MYH1: variants seen among roughly 807,000 people sequenced by gnomAD.
The protein encoded by MYH1 is myosin heavy chain 1, also known as myosin-1.
In MYH1, 214 loss-of-function variants were observed where a neutral mutation model predicts 225.6. The observed-to-expected ratio is 0.95, with a 90% CI of 0.85 to 1.06. The LOEUF (loss-of-function observed/expected upper bound fraction) is 1.06, where lower values mean the gene tolerates loss of function less well. Among genes scored for constraint, MYH1 ranks in the 50% least tolerant of loss-of-function variants. The pLI is 0.00. For missense variants in MYH1, 2,098 were observed against 2,344.2 expected, an observed-to-expected ratio of 0.89 and a Z score of 2.17; for synonymous variants, 774 against 842.3, an observed-to-expected ratio of 0.92 and a Z score of 1.40.
intron 39 of MYH1, 146 bp from the exon 40 acceptor site, chr17:10,492,714 AT>A (rs71139047): frequency 4.2e-4 from 357 of 854,364 alleles, no homozygotes; most frequent in Non-Finnish European, 5.1e-4. Context: ...TTGAATTTTT[AT>A]TTTTTTTTAT....
chr17:10,513,020 G>A (rs1597443179), intron 9 of MYH1, 55 bp from the exon 10 acceptor site: 3 of 1,214,494 alleles, frequency 2.5e-6, no homozygotes, highest in Non-Finnish European at 3.6e-6. Flanking sequence ...ATGTCCTGGA[G>A]TGATTTGAGG....
chr17:10,497,106 T>C lies in MYH1; in HGVS notation c.4619A>G (p.Glu1540Gly), dbSNP rs2073003884. Residue 1540 changes from glutamate to glycine, a missense_variant, in exon 33 of 40, where the codon GAA becomes GGA. Coordinates refer to ENST00000226207, the MANE Select transcript of MYH1 (RefSeq NM_005963.4). ...LEKIKKQVEQ[E>G]KSELQAALEE... ...TAAGGCAGCCTGAAGTTCAGACTTT[T>C]CTTGCTCAACTTGCTTCTTTATTTT... The C allele has an allele frequency of 6.2e-7, 1 of 1,614,124 alleles. No individual in the cohort carries two copies.
chr17:10,514,133 G>T lies in MYH1; in HGVS notation c.534-9C>A, dbSNP rs769315050. The T allele has an allele frequency of 1.9e-6, 3 of 1,613,860 alleles. No homozygotes were observed. The highest frequency in any genetic ancestry group is 2.5e-6 in the Non-Finnish European group (3 of 1,179,780). On this transcript the variant is annotated splice_polypyrimidine_tract_variant and intron_variant, in intron 6 of 39. Transcript: ENST00000226207. ...CTGCGCCAGATTCTCCGCTGTCAAA[G>T]ACCAAACGTATGAGAAATTAAGCAC...
At position 10,498,672 on chromosome 17, in the gene MYH1, A is replaced by C; in HGVS notation, c.4135T>G (p.Tyr1379Asp). 4 of 1,613,884 alleles carry C rather than the reference A, an allele frequency of 2.5e-6. No individual in the cohort carries two copies. The highest frequency in any genetic ancestry group is 3.4e-6 in the Non-Finnish European group (4 of 1,179,860). The change falls in exon 30 of 40, where the codon TAT becomes GAT. Residue 1379 changes from tyrosine (Y) to aspartate (D), a missense_variant. By Grantham distance (160) the Tyr-to-Asp change is radical (BLOSUM62 -3). Transcript: ENST00000226207. ...GTGCGCTGGATGGCATCTGTCTCAT[A>C]TTTGGTCCTCCACTGGGCAACCTCA... ...NSEVAQWRTK[Y>D]ETDAIQRTEE...
chr17:10,493,509 G>A (rs934262597), intron 39 of MYH1, among the ~76,000 whole-genome samples: 2 of 152,128 alleles, frequency 1.3e-5, no homozygotes, highest in Non-Finnish European at 2.9e-5. Flanking sequence ...CATGGGATAC[G>A]GAAATGAGAT....
At position 10,512,704 on chromosome 17, in the gene MYH1, G is replaced by T. The variant is rs138473189; in HGVS notation, c.985C>A (p.Gln329Lys). The change falls in exon 11 of 40, where the codon CAA becomes AAA. Residue 329 changes from glutamine to lysine, a missense_variant. Physicochemically the swap from Gln to Lys is moderately conservative, Grantham distance 53. Coordinates refer to ENST00000226207, the MANE Select transcript of MYH1 (RefSeq NM_005963.4). ...GEITVPSIDD[Q>K]EELMATDSAI... ...ACATCTGTAGCCATCAACTCTTCTT[G>T]GTCATCAATGCTGGGCACTGTGATC... is the stretch of plus-strand genomic sequence containing the variant. The T allele has an allele frequency of 6.2e-7, 1 of 1,613,730 alleles. No individual in the cohort carries two copies.
chr17:10,512,284 G>T (rs1597442580), intron 12 of MYH1, 92 bp from the exon 13 acceptor site: 1 of 1,588,484 alleles, frequency 6.3e-7, no homozygotes, highest in Non-Finnish European at 8.6e-7. Context: ...TTTGTAGAAA[G>T]TCTGTGTGTG....
rs1597444362 is a variant in MYH1, at chr17:10,515,925, C to T, written c.505+1G>A. 2.5e-6 allele frequency: 4 copies of T among 1,614,098 alleles called. No individual in the cohort carries two copies. Among genetic ancestry groups the T allele is most frequent in the Non-Finnish European group, 3.4e-6 (4 of 1,180,028 alleles). ...ATATGAAAACCAGCTGAGCCACTCA[C>T]CAGTCAGCATGAACTGATAGGCATT... On this transcript the variant is annotated splice_donor_variant, in intron 5 of 39. Transcript: ENST00000226207. LOFTEE classifies it high-confidence loss of function.
intron 17 of MYH1, among the ~76,000 whole-genome samples, chr17:10,507,590 A>G (rs1269571448): frequency 6.6e-6 from 1 of 152,232 alleles, no homozygotes; most frequent in Non-Finnish European, 1.5e-5. Flanking sequence ...TTAAGGGTTA[A>G]ATGACCTCAT....
At chr17:10,516,371 C>G (rs763402316) in intron 3 of MYH1, 29 bp from the exon 4 acceptor site, 11 of 1,613,952 alleles carry the variant, frequency 6.8e-6, no homozygotes, top group Non-Finnish European at 9.3e-6. Flanking sequence ...GAGGCCAGAT[C>G]AAAAAGTAAG....
rs56135494 is a variant in MYH1, at chr17:10,516,101, G to C, written c.349-19C>G. ...AGTAGGTCTGCACCCAAAACAAAAG[G>C]GAGGAACAGAATTATTTGATGGGGA... On this transcript the variant is annotated intron_variant, in intron 4 of 39. Transcript: ENST00000226207. The C allele has an allele frequency of 6.3e-4, 1,024 of 1,613,666 alleles. 4 individuals are homozygous for C. In the African/African-American group the frequency reaches 0.012, roughly 18 times the overall value.
rs1597435310 is a variant in MYH1 at position 10,497,508 on chromosome 17, A to G, written c.4366-56T>C. The G allele has an allele frequency of 3.2e-6, 5 of 1,565,592 alleles. No homozygotes were observed. The East Asian group carries it at 6.7e-5, about 21-fold the overall frequency. On this transcript the variant is annotated intron_variant, in intron 31 of 39. Transcript: ENST00000226207. ...GTGGACAAAATTTGATGAGATAAAA[A>G]CCATCTATTCTAGCACCTCTCAGAG... is the stretch of plus-strand genomic sequence containing the variant.
In MYH1 at chr17:10,512,760, G is replaced by C. The variant is rs866021004; in HGVS notation, c.929C>G (p.Pro310Arg). The C allele has an allele frequency of 3.1e-6, 5 of 1,614,124 alleles. No individual in the cohort carries two copies. Among genetic ancestry groups the C allele is most frequent in the Non-Finnish European group, 4.2e-6 (5 of 1,180,004 alleles). ...TTGACTGACGAAGGCATAATCGTAT[G>C]GGTTGGTGGTGATCAGGAGCATTTC... ...LIEMLLITTN[P>R]YDYAFVSQGE... Residue 310 changes from proline to arginine, a missense_variant, in exon 11 of 40, where the codon CCA (proline) becomes CGA (arginine). Transcript: ENST00000226207.
chr17:10,498,647 G>A lies in MYH1; in HGVS notation c.4160C>T (p.Thr1387Ile). The A allele has an allele frequency of 1.2e-6, 2 of 1,613,992 alleles. No homozygotes were observed. The highest frequency in any genetic ancestry group is 1.7e-6 in the Non-Finnish European group (2 of 1,179,878). Residue 1387 changes from threonine to isoleucine, a missense_variant, in exon 30 of 40, where the codon ACA becomes ATA. Coordinates refer to ENST00000226207, the MANE Select transcript of MYH1 (RefSeq NM_005963.4). ...TKYETDAIQR[T>I]EELEEAKKKL... is the part of the protein sequence containing the mutation. The stretch of plus-strand genomic sequence containing the variant: ...ATACTTGGCCTCCTCCAGCTCCTCT[G>A]TGCGCTGGATGGCATCTGTCTCATA...
chr17:10,494,880 C>T (rs1356949292), intron 37 of MYH1, 51 bp downstream of exon 37: 5 of 1,613,824 alleles, frequency 3.1e-6, no homozygotes, highest in South Asian at 2.2e-5. Flanking sequence ...TATTCAGAAT[C>T]GTGTGTTGGA....
intron 22 of MYH1, among the ~76,000 whole-genome samples, chr17:10,503,746 A>G (rs2073080459): frequency 6.6e-6 from 1 of 152,214 alleles, no homozygotes; most frequent in South Asian, 2.1e-4. Flanking sequence ...GAGTTGAGAT[A>G]AACTGTGAGG....
At chr17:10,499,962 T>C (rs2073034959) in intron 28 of MYH1, among the ~76,000 whole-genome samples, 1 of 152,092 alleles carries the variant, frequency 6.6e-6, no homozygotes, top group South Asian at 2.1e-4. Context: ...GACACGTCAG[T>C]AGGAGGGGGA....
intron 14 of MYH1, 61 bp from the exon 15 acceptor site, chr17:10,509,716 G>C: frequency 6.2e-7 from 1 of 1,613,674 alleles, no homozygotes; most frequent in South Asian, 1.1e-5. Flanking sequence ...TCTTTGAAAG[G>C]GGTGTTTTTT....
Position 10,516,750 on chromosome 17 carries a change from T to A in MYH1, c.-40-68A>T, listed in dbSNP as rs115078207. The A allele has an allele frequency of 1.7e-3, 2,246 of 1,353,164 alleles. 27 individuals are homozygous for A. In the African/African-American group the frequency reaches 0.029, roughly 17 times the overall value. 83.8% of individuals were successfully genotyped at this position (1,353,164 alleles called of 1,614,324 possible). A position where few individuals can be genotyped will look rare whatever the true frequency, so the allele number is the denominator to read the frequency against. The stretch of plus-strand genomic sequence containing the variant: ...ACCATTAGATTCACATTTAAAACTT[T>A]AAAAAAAAATTTACTGACCAATTGA... On this transcript the variant is annotated intron_variant, in intron 2 of 39. Coordinates refer to ENST00000226207, the MANE Select transcript of MYH1 (RefSeq NM_005963.4).
Sources: gnomAD v4.1 joint callset for allele counts (sites outside exome capture counted in the v4.1 genomes callset) on GRCh38, gnomAD v4.1.1 for gene constraint, MANE v1.5 for transcripts, NCBI Gene and HGNC (gene_info 2026-07-23, HGNC 2026-07-21) for gene names.